Variants in ZNF492 observed in about 807,000 individuals in gnomAD.
ZNF492 encodes zinc finger protein 492.
Under a neutral mutation model 6.4 loss-of-function variants are expected in ZNF492, and 3 were observed. That is an observed-to-expected ratio of 0.47 (90% CI 0.21 to 1.22). ZNF492 has a LOEUF of 1.22. ZNF492 is among the 50% of genes most tolerant of loss of function. The pLI, the probability that ZNF492 is intolerant of heterozygous loss-of-function variation, is 0.22. For synonymous variants in ZNF492, 112 were observed against 205.3 expected, an observed-to-expected ratio of 0.55 and a Z score of 3.89; for missense variants, 356 against 612.5, an observed-to-expected ratio of 0.58 and a Z score of 4.42.
At chr19:22,641,135 G>T (rs1245248150) in intron 1 of ZNF492, among the ~76,000 whole-genome samples, 4 of 152,028 alleles carry the variant, frequency 2.6e-5, no homozygotes, top group African/African-American at 7.2e-5. Flanking sequence ...TATTTCTTCT[G>T]CTAGCTTAGG....
rs1320294448 is a variant in ZNF492 at position 22,667,516 on chromosome 19, A to G, written c.*2251A>G. 7 of 151,978 alleles carry G rather than the reference A, an allele frequency of 4.6e-5. No individual in the cohort carries two copies. Among genetic ancestry groups the G allele is most frequent in the African/African-American group, 1.7e-4 (7 of 41,402 alleles). 9.4% of individuals were successfully genotyped at this position (151,978 alleles called of 1,614,324 possible). On this transcript the variant is annotated 3_prime_UTR_variant, in exon 4 of 4. Transcript: ENST00000456783. Reference sequence around the variant, plus strand: ...GAGGTATCCATCACCTTTAGAATTTATTTTTTGTATTATGAACAGTTCAAT... The same window carrying G: ...GAGGTATCCATCACCTTTAGAATTTGTTTTTTGTATTATGAACAGTTCAAT...
chr19:22,661,167 G>C (rs1194231679), intron 3 of ZNF492, among the ~76,000 whole-genome samples: 3 of 150,890 alleles, frequency 2.0e-5, no homozygotes, highest in Non-Finnish European at 3.0e-5. Context: ...TTTTCTTTTA[G>C]GATTTTCCAG....
chr19:22,646,979 T>C (rs1971883968), intron 1 of ZNF492, among the ~76,000 whole-genome samples: 1 of 152,090 alleles, frequency 6.6e-6, no homozygotes, highest in South Asian at 2.1e-4. Context: ...AACCTCCGCC[T>C]CCTGGGTTCA....
At chr19:22,647,931 C>T (rs1302747830) in intron 1 of ZNF492, among the ~76,000 whole-genome samples, 6 of 151,818 alleles carry the variant, frequency 4.0e-5, no homozygotes, top group African/African-American at 1.2e-4. Context: ...GGGGTTTTGA[C>T]ATATTGGCCA....
chr19:22,635,037 G>T (rs984420625), intron 1 of ZNF492, among the ~76,000 whole-genome samples: 1 of 151,996 alleles, frequency 6.6e-6, no homozygotes, highest in Non-Finnish European at 1.5e-5. Context: ...AATCGGTTAG[G>T]TATATTTACG....
In ZNF492 at chr19:22,634,351, A is replaced by G. The variant is rs1281400327; in HGVS notation, c.-217A>G. 5.7e-6 allele frequency: 6 copies of G among 1,059,140 alleles called. No homozygotes were observed. Among genetic ancestry groups the G allele is most frequent in the African/African-American group, 3.3e-5 (2 of 60,058 alleles). 65.6% of individuals were successfully genotyped at this position (1,059,140 alleles called of 1,614,324 possible). On this transcript the variant is annotated 5_prime_UTR_variant, in exon 1 of 4. An upstream start codon of the reference 5' UTR is lost. Transcript: ENST00000456783. ...CTTTGTCTCTCGCTGCAGTCGGAGT[A>G]TGGTCTAGTGTTCGCTGTTCTGCGT...
chr19:22,638,755 A>G (rs1258335724), intron 1 of ZNF492, among the ~76,000 whole-genome samples: 2 of 152,022 alleles, frequency 1.3e-5, no homozygotes, highest in African/African-American at 4.8e-5. Flanking sequence ...TAGCTCTGTT[A>G]AGAAATATTT....
intron 1 of ZNF492, among the ~76,000 whole-genome samples, chr19:22,646,919 C>T (rs1272432115): frequency 9.2e-5 from 14 of 152,006 alleles, no homozygotes; most frequent in East Asian, 1.9e-4. Context: ...TTTTTGAGAC[C>T]GAGTTTCTCT....
chr19:22,665,467 T>A lies in ZNF492; in HGVS notation c.*202T>A. The A allele has an allele frequency of 1.9e-6, 2 of 1,052,458 alleles. No individual in the cohort carries two copies. Among genetic ancestry groups the A allele is most frequent in the Non-Finnish European group, 1.3e-6 (1 of 754,668 alleles). 65.2% of individuals were successfully genotyped at this position (1,052,458 alleles called of 1,614,324 possible). A position where few individuals can be genotyped will look rare whatever the true frequency, so the allele number is the denominator to read the frequency against. The stretch of plus-strand genomic sequence containing the variant: ...AAAGAAAGTAAAAAAGTGATTAATA[T>A]CTGTGCACATCTTATTCAACATCAG... On this transcript the variant is annotated 3_prime_UTR_variant, in exon 4 of 4. Coordinates refer to ENST00000456783, the MANE Select transcript of ZNF492 (RefSeq NM_020855.3).
intron 1 of ZNF492, among the ~76,000 whole-genome samples, chr19:22,639,718 A>G (rs1391497423): frequency 6.6e-6 from 1 of 151,490 alleles, no homozygotes; most frequent in African/African-American, 2.4e-5. Flanking sequence ...TCTCAAAAAA[A>G]AAAAAAAAAG....
chr19:22,660,583 A>G (rs1056912800), intron 3 of ZNF492, among the ~76,000 whole-genome samples: 2 of 149,976 alleles, frequency 1.3e-5, no homozygotes, highest in East Asian at 3.9e-4. Context: ...TACATTGTAT[A>G]TTCATTAACA....
At chr19:22,636,162 C>T (rs537193335) in intron 1 of ZNF492, among the ~76,000 whole-genome samples, 5 of 151,654 alleles carry the variant, frequency 3.3e-5, no homozygotes, top group Admixed American at 6.6e-5. Flanking sequence ...TGCAATGGCG[C>T]GATCTCGGCT....
chr19:22,657,387 G>A (rs1972006751), intron 3 of ZNF492, among the ~76,000 whole-genome samples: 1 of 152,098 alleles, frequency 6.6e-6, no homozygotes, highest in African/African-American at 2.4e-5. Flanking sequence ...GATTACAGCA[G>A]TTTTATTTTG....
chr19:22,663,681 G>A (rs574350462), intron 3 of ZNF492, 119 bp from the exon 4 acceptor site: 65 of 872,112 alleles, frequency 7.5e-5, no homozygotes, highest in Middle Eastern at 7.5e-4. Flanking sequence ...ATGTTAGAGC[G>A]TGTAATATTT....
At chr19:22,643,521 G>A (rs1185633053) in intron 1 of ZNF492, among the ~76,000 whole-genome samples, 1 of 152,144 alleles carries the variant, frequency 6.6e-6, no homozygotes, top group Non-Finnish European at 1.5e-5. Context: ...CATCAGCATT[G>A]ACAGGGGACT....
chr19:22,655,265 A>G (rs1358157775), intron 3 of ZNF492, among the ~76,000 whole-genome samples: 1 of 151,692 alleles, frequency 6.6e-6, no homozygotes, highest in Non-Finnish European at 1.5e-5. Context: ...CTACACTCCA[A>G]TGTGGGCAAC....
At chr19:22,654,637 T>C (rs1245624707) in intron 3 of ZNF492, among the ~76,000 whole-genome samples, 2 of 150,964 alleles carry the variant, frequency 1.3e-5, no homozygotes, top group Non-Finnish European at 3.0e-5. Context: ...AGTCTCGCTC[T>C]GTCACCCAGG....
intron 3 of ZNF492, among the ~76,000 whole-genome samples, chr19:22,662,983 G>T (rs1972074122): frequency 6.6e-6 from 1 of 152,014 alleles, no homozygotes; most frequent in Non-Finnish European, 1.5e-5. Flanking sequence ...CATTGCTTTT[G>T]GTGTTTTAGT....
intron 1 of ZNF492, among the ~76,000 whole-genome samples, chr19:22,636,125 G>C: frequency 6.7e-6 from 1 of 149,850 alleles, no homozygotes; most frequent in African/African-American, 2.5e-5. Context: ...TTGAGATGGA[G>C]TTTCGCTCTT....
Sources: allele counts gnomAD v4.1 joint callset (sites outside exome capture counted in the v4.1 genomes callset), GRCh38; gene constraint gnomAD v4.1.1; transcripts MANE v1.5; gene names NCBI Gene and HGNC (gene_info 2026-07-23, HGNC 2026-07-21).